Variants in GLIPR1L1 observed in about 807,000 individuals in gnomAD.
GLIPR1L1 encodes GLIPR1-like protein 1.
GLIPR1L1 carries 26 observed loss-of-function variants against 29.9 expected under a neutral mutation model. That is an observed-to-expected ratio of 0.87 (90% CI 0.64 to 1.21). GLIPR1L1 has a LOEUF of 1.21. GLIPR1L1 is among the 50% of genes most tolerant of loss of function. GLIPR1L1 has a pLI of 0.00. For missense variants in GLIPR1L1, 305 were observed against 290.3 expected, an observed-to-expected ratio of 1.05 and a Z score of -0.37; for synonymous variants, 77 against 97.5, an observed-to-expected ratio of 0.79 and a Z score of 1.24.
rs1206147060 is a variant in GLIPR1L1 at position 75,334,686 on chromosome 12, G to C, written c.-43G>C. The C allele has an allele frequency of 3.1e-6, 5 of 1,588,388 alleles. No individual in the cohort carries two copies. Among genetic ancestry groups the C allele is most frequent in the Non-Finnish European group, 4.3e-6 (5 of 1,167,194 alleles). On this transcript the variant is annotated 5_prime_UTR_variant, in exon 1 of 6. Coordinates refer to ENST00000378695, the MANE Select transcript of GLIPR1L1 (RefSeq NM_001304964.2). ...AATCGGGTTGCCCCAGCCGTTACTG[G>C]TCCGCGCAGTCAGGGCATCCTCCGC...
At chr12:75,352,370 A>C (rs2042873637) in intron 3 of GLIPR1L1, among the ~76,000 whole-genome samples, 1 of 152,262 alleles carries the variant, frequency 6.6e-6, no homozygotes, top group Non-Finnish European at 1.5e-5. Context: ...CTGATAAAAC[A>C]AACTTTAAAC....
intron 3 of GLIPR1L1, among the ~76,000 whole-genome samples, chr12:75,362,635 A>G (rs2043678708): frequency 6.6e-6 from 1 of 152,192 alleles, no homozygotes; most frequent in Admixed American, 6.5e-5. Context: ...GAGGCTTTGA[A>G]AAATTTATGA....
chr12:75,348,336 T>C (rs939950658), intron 3 of GLIPR1L1, among the ~76,000 whole-genome samples: 7 of 152,146 alleles, frequency 4.6e-5, no homozygotes, highest in African/African-American at 9.6e-5. Flanking sequence ...AGAATAAATA[T>C]GCAAAACTGA....
At chr12:75,363,286 T>C in intron 4 of GLIPR1L1, 96 bp downstream of exon 4, 1 of 483,700 alleles carries the variant, frequency 2.1e-6, no homozygotes, top group Non-Finnish European at 3.5e-6. Flanking sequence ...TTACAAACTA[T>C]GGACAAGATT....
chr12:75,343,667 CA>C (rs1366183571), intron 1 of GLIPR1L1, 25 bp from the exon 2 acceptor site: 1 of 1,540,400 alleles, frequency 6.5e-7, no homozygotes, highest in South Asian at 1.2e-5. Context: ...ATGCACAATT[CA>C]ATTTAAATTA....
At chr12:75,356,900 G>C (rs573428386) in intron 3 of GLIPR1L1, among the ~76,000 whole-genome samples, 1 of 152,018 alleles carries the variant, frequency 6.6e-6, no homozygotes, top group African/African-American at 2.4e-5. Context: ...GTCAAAGAAG[G>C]CTACAGTGCT....
At chr12:75,335,550 T>C (rs1364966339) in intron 1 of GLIPR1L1, among the ~76,000 whole-genome samples, 1 of 152,198 alleles carries the variant, frequency 6.6e-6, no homozygotes, top group Non-Finnish European at 1.5e-5. Flanking sequence ...TATTAGTCTA[T>C]TTTATGTGCT....
chr12:75,370,394 A>G lies in GLIPR1L1; in HGVS notation c.*218A>G, dbSNP rs957549117. 7 of 388,690 alleles carry G rather than the reference A, an allele frequency of 1.8e-5. No individual in the cohort carries two copies. Among genetic ancestry groups the G allele is most frequent in the Non-Finnish European group, 2.8e-5 (6 of 215,024 alleles). 24.1% of individuals were successfully genotyped at this position (388,690 alleles called of 1,614,324 possible). A position where few individuals can be genotyped will look rare whatever the true frequency, so the allele number is the denominator to read the frequency against. On this transcript the variant is annotated 3_prime_UTR_variant, in exon 6 of 6. Coordinates refer to ENST00000378695, the MANE Select transcript of GLIPR1L1 (RefSeq NM_001304964.2). ...AAGATTATTTTTTAATTACAAATCC[A>G]TATGTGTATCAAAAGTGTTCCACTC...
intron 3 of GLIPR1L1, among the ~76,000 whole-genome samples, chr12:75,356,982 T>A (rs961338664): frequency 6.6e-6 from 1 of 151,888 alleles, no homozygotes; most frequent in Non-Finnish European, 1.5e-5. Context: ...AGGCAAGAAA[T>A]TCAAGACCAG....
intron 3 of GLIPR1L1, chr12:75,361,030 A>G (rs2043550186): frequency 6.6e-6 from 1 of 152,052 alleles, no homozygotes; most frequent in Admixed American, 6.6e-5. Context: ...CTGGAAAGTG[A>G]GTGGAGTAGA....
intron 1 of GLIPR1L1, among the ~76,000 whole-genome samples, chr12:75,339,748 T>TAA: frequency 6.6e-6 from 1 of 152,218 alleles, no homozygotes; most frequent in African/African-American, 2.4e-5. Flanking sequence ...TTAATCCATC[T>TAA]TGAGCTAATT....
chr12:75,355,898 T>C (rs1365435495), intron 3 of GLIPR1L1, among the ~76,000 whole-genome samples: 1 of 152,180 alleles, frequency 6.6e-6, no homozygotes, highest in Non-Finnish European at 1.5e-5. Flanking sequence ...AAACACCACA[T>C]GTTCTCATTT....
intron 3 of GLIPR1L1, among the ~76,000 whole-genome samples, chr12:75,353,444 GGAA>G (rs1234616805): frequency 6.6e-6 from 1 of 152,160 alleles, no homozygotes; most frequent in Non-Finnish European, 1.5e-5. Context: ...GACTGAACCA[GGAA>G]GAAGTTGAAT....
intron 1 of GLIPR1L1, among the ~76,000 whole-genome samples, chr12:75,339,137 C>CA (rs1231839867): frequency 6.6e-6 from 1 of 152,162 alleles, no homozygotes; most frequent in Non-Finnish European, 1.5e-5. Context: ...ATTGCTGGGT[C>CA]AAATGGTATT....
chr12:75,356,781 C>T (rs1290369577), intron 3 of GLIPR1L1, among the ~76,000 whole-genome samples: 1 of 152,106 alleles, frequency 6.6e-6, no homozygotes, highest in East Asian at 1.9e-4. Context: ...TGAAAACCAG[C>T]TTTATGCTGC....
chr12:75,346,662 A>C (rs2042470368), intron 2 of GLIPR1L1, among the ~76,000 whole-genome samples: 1 of 152,128 alleles, frequency 6.6e-6, no homozygotes, highest in African/African-American at 2.4e-5. Context: ...TCTCGTTTTT[A>C]AGTTCTCAGT....
intron 4 of GLIPR1L1, chr12:75,369,538 G>A: frequency 1.0e-6 from 1 of 982,514 alleles, no homozygotes; most frequent in South Asian, 4.7e-5. Context: ...AAAGTTTGAT[G>A]TGGAAAAGAC....
chr12:75,367,911 T>A (rs1411669197), intron 4 of GLIPR1L1, among the ~76,000 whole-genome samples: 1 of 152,172 alleles, frequency 6.6e-6, no homozygotes, highest in African/African-American at 2.4e-5. Flanking sequence ...CCATTGTGTA[T>A]GTTTGTTTTA....
chr12:75,367,617 T>C (rs939213213), intron 4 of GLIPR1L1, among the ~76,000 whole-genome samples: 15 of 152,252 alleles, frequency 9.9e-5, no homozygotes, highest in African/African-American at 3.6e-4. Context: ...TAATTGATTT[T>C]ATTGCCTTAA....
Sources: allele counts gnomAD v4.1 joint callset (sites outside exome capture counted in the v4.1 genomes callset), GRCh38; gene constraint gnomAD v4.1.1; transcripts MANE v1.5; gene names NCBI Gene and HGNC (gene_info 2026-07-23, HGNC 2026-07-21).